TUSC3: variants seen among roughly 807,000 people sequenced by gnomAD.
The protein encoded by TUSC3 is dolichyl-diphosphooligosaccharide--protein glycosyltransferase subunit TUSC3.
Under a neutral mutation model 44.8 loss-of-function variants are expected in TUSC3, and 45 were observed. The ratio of observed to expected loss-of-function variants is 1.00; its 90% CI spans 0.79 to 1.29. The LOEUF (loss-of-function observed/expected upper bound fraction) is 1.29, where lower values mean the gene tolerates loss of function less well. Ranked by LOEUF, TUSC3 falls within the 50% of genes most tolerant of loss-of-function variation. TUSC3 has a pLI of 0.00. For missense variants in TUSC3, 519 were observed against 437.9 expected, an observed-to-expected ratio of 1.19 and a Z score of -1.65; for synonymous variants, 212 against 152.9, an observed-to-expected ratio of 1.39 and a Z score of -2.85.
At position 15,764,694 on chromosome 8, in the gene TUSC3, T is replaced by C. The variant is rs1812279316; in HGVS notation, c.*538T>C. The C allele has an allele frequency of 6.2e-6, 1 of 160,204 alleles. No individual in the cohort carries two copies. Among genetic ancestry groups the C allele is most frequent in the East Asian group, 1.7e-4 (1 of 5,724 alleles). The allele number at this position is 160,204 out of a possible 1,614,324, so 9.9% of individuals were successfully genotyped here. ...ATAGTGTTTTGTTATTAATTATAACTAGATAAAGGTATATAGGACAGGGAA... is the reference window on the plus strand; with the variant it reads ...ATAGTGTTTTGTTATTAATTATAACCAGATAAAGGTATATAGGACAGGGAA... On this transcript the variant is annotated 3_prime_UTR_variant, in exon 11 of 11. Coordinates refer to ENST00000503731, the MANE Select transcript of TUSC3 (RefSeq NM_006765.4).
chr8:15,792,194 C>T, the TUSC3 span, among the ~76,000 whole-genome samples: 1 of 151,992 alleles, frequency 6.6e-6, no homozygotes, highest in African/African-American at 2.4e-5. Flanking sequence ...TATTATTGAA[C>T]ATCAAATATA....
intron 1 of TUSC3, among the ~76,000 whole-genome samples, chr8:15,421,902 A>C (rs1475224905): frequency 6.6e-6 from 1 of 152,124 alleles, no homozygotes; most frequent in African/African-American, 2.4e-5. Flanking sequence ...TATTTGTTGA[A>C]TGCATCTTGA....
At chr8:15,806,202 C>T in the TUSC3 span, 18 of 496,690 alleles carry the variant, frequency 3.6e-5, no homozygotes, top group Middle Eastern at 2.4e-3. Context: ...ATAAAGATTC[C>T]GTCTTTTATA....
rs543665789 is a variant in TUSC3 at position 15,450,743 on chromosome 8, A to G, written n.92-32643A>G. Among the ~76,000 whole-genome samples, 5 of 152,332 alleles carry G rather than the reference A, an allele frequency of 3.3e-5. No homozygotes were observed. The South Asian group carries it at 1.0e-3, about 32-fold the overall frequency. On this transcript the variant is annotated intron_variant and non_coding_transcript_variant, in intron 1 of 5. Coordinates refer to the TUSC3 transcript ENST00000503191. ...TTGGAGAAAGCCTTAGTAACACAGA[A>G]GTTCTACTAATCAGAGATCTGAATT... is the stretch of plus-strand genomic sequence containing the variant.
intron 2 of TUSC3, among the ~76,000 whole-genome samples, chr8:15,512,872 G>GTGTGTATATA (rs761482107): frequency 7.6e-6 from 1 of 132,284 alleles, no homozygotes; most frequent in Non-Finnish European, 1.5e-5. Flanking sequence ...ATATGTGTGT[G>GTGTGTATATA]TATATATATA....
At chr8:15,570,954 G>GTTTTT (rs549277334) in intron 1 of TUSC3, among the ~76,000 whole-genome samples, 593 of 44,470 alleles carry the variant, frequency 0.013, 115 homozygotes, top group African/African-American at 0.028. Context: ...TTGCCTATTA[G>GTTTTT]TTTTTTTTTT....
intron 7 of TUSC3, among the ~76,000 whole-genome samples, chr8:15,736,759 G>T (rs1350702310): frequency 1.3e-5 from 2 of 152,106 alleles, no homozygotes; most frequent in African/African-American, 4.8e-5. Context: ...AGGAGGGGCA[G>T]AACTATGTCA....
At chr8:15,429,445 C>T (rs1214557227) in intron 1 of TUSC3, among the ~76,000 whole-genome samples, 1 of 149,866 alleles carries the variant, frequency 6.7e-6, no homozygotes, top group Non-Finnish European at 1.5e-5. Context: ...ATTGACTTGG[C>T]AATGCGGGCT....
intron 1 of TUSC3, among the ~76,000 whole-genome samples, chr8:15,621,923 T>C (rs1179555351): frequency 6.6e-6 from 1 of 152,138 alleles, no homozygotes; most frequent in Non-Finnish European, 1.5e-5. Flanking sequence ...CTTCCATTTC[T>C]TTCCATTTAT....
At chr8:15,468,431 C>G (rs1800443038) in intron 1 of TUSC3, among the ~76,000 whole-genome samples, 1 of 152,138 alleles carries the variant, frequency 6.6e-6, no homozygotes, top group South Asian at 2.1e-4. Flanking sequence ...AGCCATGAGC[C>G]TCTCCCTAAG....
chr8:15,765,793 C>CA lies in TUSC3; in HGVS notation c.*1638dup. Reference sequence around the variant, plus strand: ...CATTTGATCACTGCCTATCACTAGGCAGAACTTGACCTGTAATTCTTAATC... The same window carrying CA: ...CATTTGATCACTGCCTATCACTAGGCAAGAACTTGACCTGTAATTCTTAATC... On this transcript the variant is annotated 3_prime_UTR_variant, in exon 11 of 11. Coordinates refer to ENST00000503731, the MANE Select transcript of TUSC3 (RefSeq NM_006765.4). 6.6e-6 allele frequency: 1 copy of CA among 152,004 alleles called. No individual in the cohort carries two copies. Among genetic ancestry groups the CA allele is most frequent in the East Asian group, 1.9e-4 (1 of 5,192 alleles). 9.4% of individuals were successfully genotyped at this position (152,004 alleles called of 1,614,324 possible).
chr8:15,700,288 C>A (rs1407594649), intron 6 of TUSC3, among the ~76,000 whole-genome samples: 1 of 152,158 alleles, frequency 6.6e-6, no homozygotes, highest in African/African-American at 2.4e-5. Context: ...GCTTTTCCCT[C>A]TGTGTAGCTC....
chr8:15,711,462 A>AAG (rs1809847603), intron 6 of TUSC3, among the ~76,000 whole-genome samples: 1 of 74,804 alleles, frequency 1.3e-5, no homozygotes, highest in Non-Finnish European at 2.9e-5. Context: ...ACAAAAAGGT[A>AAG]CGTGTGTGTG....
chr8:15,432,232 G>A (rs943771771), intron 1 of TUSC3, among the ~76,000 whole-genome samples: 1 of 151,938 alleles, frequency 6.6e-6, no homozygotes, highest in Non-Finnish European at 1.5e-5. Flanking sequence ...GAAGCCATCT[G>A]GTTTTAGGCT....
chr8:15,573,130 T>G (rs1802940677), intron 1 of TUSC3, among the ~76,000 whole-genome samples: 1 of 150,106 alleles, frequency 6.7e-6, no homozygotes, highest in South Asian at 2.1e-4. Flanking sequence ...AGGAAGTATG[T>G]TTGCTTAACT....
intron 1 of TUSC3, among the ~76,000 whole-genome samples, chr8:15,445,106 C>T (rs1800076450): frequency 6.6e-6 from 1 of 152,070 alleles, no homozygotes; most frequent in African/African-American, 2.4e-5. Flanking sequence ...GTGAACATAG[C>T]CCTTCAACTG....
intron 2 of TUSC3, among the ~76,000 whole-genome samples, chr8:15,515,349 G>C (rs1412986219): frequency 6.6e-6 from 1 of 152,024 alleles, no homozygotes; most frequent in Non-Finnish European, 1.5e-5. Context: ...TTACTAACAT[G>C]GTCCACTGAA....
chr8:15,771,715 A>G, the TUSC3 span, among the ~76,000 whole-genome samples: 2 of 152,194 alleles, frequency 1.3e-5, no homozygotes, highest in Admixed American at 1.3e-4. Flanking sequence ...GAAAACAAAA[A>G]TTCTACATAC....
chr8:15,650,676 A>G lies in TUSC3; in HGVS notation c.309-21A>G, dbSNP rs747212440. On this transcript the variant is annotated intron_variant, in intron 2 of 10. Coordinates refer to ENST00000503731, the MANE Select transcript of TUSC3 (RefSeq NM_006765.4). ...GCTTCAGTACTGATGTGTTTCTACTATGGCCCATTATTCTTATCAGGCAAG... is the reference window on the plus strand; with the variant it reads ...GCTTCAGTACTGATGTGTTTCTACTGTGGCCCATTATTCTTATCAGGCAAG... 44 of 1,592,398 alleles carry G rather than the reference A, an allele frequency of 2.8e-5. 1 individual carries two copies. The highest frequency in any genetic ancestry group is 5.4e-5 in the African/African-American group (4 of 74,468).
Sources: allele counts gnomAD v4.1 joint callset (sites outside exome capture counted in the v4.1 genomes callset), GRCh38; gene constraint gnomAD v4.1.1; transcripts MANE v1.5; gene names NCBI Gene and HGNC (gene_info 2026-07-23, HGNC 2026-07-21).